The following ALCAM variants were observed in gnomAD, a reference collection of about 807,000 sequenced individuals.
ALCAM encodes the protein CD166 antigen.
Under a neutral mutation model 70.9 loss-of-function variants are expected in ALCAM, and 30 were observed. That is an observed-to-expected ratio of 0.42 (90% CI 0.32 to 0.57). The LOEUF (loss-of-function observed/expected upper bound fraction) is 0.57, where lower values mean the gene tolerates loss of function less well. Ranked by LOEUF, ALCAM falls within the 20% of genes least tolerant of loss-of-function variation. The pLI, the probability that ALCAM is intolerant of heterozygous loss-of-function variation, is 0.11. For synonymous variants in ALCAM, 249 were observed against 242.5 expected (o/e 1.03, Z -0.25); for missense variants, 591 against 695.1 (o/e 0.85, Z 1.68).
At chr3:105,527,102 G>A (rs904753070) in intron 3 of ALCAM, among the ~76,000 whole-genome samples, 1 of 152,164 alleles carries the variant, frequency 6.6e-6, no homozygotes, top group African/African-American at 2.4e-5. Flanking sequence ...ATCCAAATAA[G>A]TGGCATTCTT....
At chr3:105,441,789 A>G (rs1017125513) in intron 1 of ALCAM, among the ~76,000 whole-genome samples, 1 of 152,146 alleles carries the variant, frequency 6.6e-6, no homozygotes, top group South Asian at 2.1e-4. Flanking sequence ...TTTCTTCTCA[A>G]TACTTAGAAA....
intron 3 of ALCAM, chr3:105,525,007 T>C (rs963529225): frequency 8.9e-5 from 83 of 929,640 alleles, no homozygotes; most frequent in Non-Finnish European, 1.1e-4. Flanking sequence ...TATATCCACA[T>C]ATATAAATAT....
intron 1 of ALCAM, among the ~76,000 whole-genome samples, chr3:105,403,716 T>C (rs191157543): frequency 1.3e-5 from 2 of 151,848 alleles, no homozygotes; most frequent in Admixed American, 6.6e-5. Flanking sequence ...TCACCAGCAA[T>C]GGATCCAAAC....
chr3:105,523,845 T>G (rs1939619350), intron 2 of ALCAM, among the ~76,000 whole-genome samples: 1 of 152,224 alleles, frequency 6.6e-6, no homozygotes, highest in African/African-American at 2.4e-5. Context: ...GTGTGGACAT[T>G]TAAAATAGGT....
intron 1 of ALCAM, among the ~76,000 whole-genome samples, chr3:105,481,997 C>G (rs929458747): frequency 6.7e-6 from 1 of 149,250 alleles, no homozygotes; most frequent in African/African-American, 2.4e-5. Context: ...TAACAGATTT[C>G]GTAGCCGTAG....
At chr3:105,368,223 A>AAGAGATAGAGAGAGAGAG (rs1935122680) in intron 1 of ALCAM, among the ~76,000 whole-genome samples, 1 of 67,790 alleles carries the variant, frequency 1.5e-5, no homozygotes. Flanking sequence ...TGAGTCTTGG[A>AAGAGATAGAGAGAGAGAG]AGAGAGAGAG....
chr3:105,543,254 G>A (rs1275348711), intron 8 of ALCAM, among the ~76,000 whole-genome samples: 1 of 151,654 alleles, frequency 6.6e-6, no homozygotes, highest in African/African-American at 2.4e-5. Context: ...TAGTGCCTAC[G>A]TGTTTGGCTG....
At chr3:105,517,488 T>C (rs2152621883) in intron 1 of ALCAM, among the ~76,000 whole-genome samples, 1 of 152,232 alleles carries the variant, frequency 6.6e-6, no homozygotes, top group East Asian at 1.9e-4. Flanking sequence ...AAAGACACCA[T>C]TCATGAATTT....
At chr3:105,427,594 C>A (rs987953809) in intron 1 of ALCAM, among the ~76,000 whole-genome samples, 2 of 152,012 alleles carry the variant, frequency 1.3e-5, no homozygotes, top group African/African-American at 4.8e-5. Flanking sequence ...CCACCCCCTC[C>A]CCTCATCTGA....
chr3:105,508,396 T>TGCAG (rs1559815465), intron 1 of ALCAM, among the ~76,000 whole-genome samples: 1 of 152,168 alleles, frequency 6.6e-6, no homozygotes, highest in African/African-American at 2.4e-5. Flanking sequence ...CTCTTGACTT[T>TGCAG]GCAGGGAGAA....
intron 1 of ALCAM, among the ~76,000 whole-genome samples, chr3:105,494,780 G>A (rs963863134): frequency 5.3e-5 from 8 of 151,738 alleles, no homozygotes; most frequent in South Asian, 2.1e-4. Flanking sequence ...CCACCTCAGC[G>A]TCCTGACTAA....
At chr3:105,559,095 A>C (rs1940576783) in intron 14 of ALCAM, among the ~76,000 whole-genome samples, 1 of 151,630 alleles carries the variant, frequency 6.6e-6, no homozygotes, top group Admixed American at 6.6e-5. Context: ...GTTATTAAAA[A>C]GAGGCACCGA....
chr3:105,394,419 C>G (rs1297191846), intron 1 of ALCAM, among the ~76,000 whole-genome samples: 2 of 151,964 alleles, frequency 1.3e-5, no homozygotes, highest in South Asian at 4.1e-4. Context: ...GCATTTCCTC[C>G]CACGTGCCTA....
chr3:105,434,597 G>T (rs1266457390), intron 1 of ALCAM, among the ~76,000 whole-genome samples: 1 of 151,678 alleles, frequency 6.6e-6, no homozygotes, highest in East Asian at 1.9e-4. Flanking sequence ...ATCCTCTTGG[G>T]CAATTACTAA....
rs1190921419 is a variant in ALCAM at position 105,366,920 on chromosome 3, G to A, written c.-489G>A. On this transcript the variant is annotated 5_prime_UTR_variant, in exon 1 of 16. Transcript: ENST00000306107. ...CAGTCCCTCTACTCAGAGCAGCCCG[G>A]AGACCGCTGCCGCCGCTGCCGCTGC... 6.2e-6 allele frequency: 1 copy of A among 161,566 alleles called. No individual in the cohort carries two copies. The highest frequency in any genetic ancestry group is 1.4e-5 in the Non-Finnish European group (1 of 73,456). The allele number at this position is 161,566 out of a possible 1,614,324, so 10.0% of individuals were successfully genotyped here.
intron 3 of ALCAM, among the ~76,000 whole-genome samples, chr3:105,527,198 A>G (rs3772557): frequency 0.12 from 18,732 of 152,228 alleles, 1,537 homozygotes; most frequent in Non-Finnish European, 0.18. Flanking sequence ...TGAGGTTAAT[A>G]AAACCATTCA....
At chr3:105,483,000 G>A (rs906935914) in intron 1 of ALCAM, among the ~76,000 whole-genome samples, 1 of 152,032 alleles carries the variant, frequency 6.6e-6, no homozygotes, top group Admixed American at 6.6e-5. Context: ...TTTCCCCCCT[G>A]ATTCTCAATC....
intron 14 of ALCAM, among the ~76,000 whole-genome samples, chr3:105,566,609 G>A (rs749903677): frequency 5.3e-5 from 8 of 151,662 alleles, no homozygotes; most frequent in Admixed American, 3.3e-4. Context: ...CTTTGTGTTC[G>A]TTTACTGTGG....
chr3:105,556,839 C>A lies in ALCAM; in HGVS notation c.1664+4254C>A, dbSNP rs543057742. On this transcript the variant is annotated intron_variant, in intron 14 of 15. Coordinates refer to ENST00000306107, the MANE Select transcript of ALCAM (RefSeq NM_001627.4). Reference sequence around the variant, plus strand: ...AAATTGAAAAGATAGTGCTGGAGGACCACTTAAAGCACATTTTAAGTGACT... The same window carrying A: ...AAATTGAAAAGATAGTGCTGGAGGAACACTTAAAGCACATTTTAAGTGACT... 2.0e-5 allele frequency among the ~76,000 whole-genome samples: 3 copies of A among 152,112 alleles called. No individual in the cohort carries two copies. The South Asian group carries it at 6.2e-4, about 32-fold the overall frequency.
Sources: allele counts gnomAD v4.1 joint callset (sites outside exome capture counted in the v4.1 genomes callset), GRCh38; gene constraint gnomAD v4.1.1; transcripts MANE v1.5; gene names NCBI Gene and HGNC (gene_info 2026-07-23, HGNC 2026-07-21).